Variants in DNMT3A observed in about 807,000 individuals in gnomAD.
DNMT3A encodes DNA methyltransferase 3 alpha, also known as DNA (cytosine-5)-methyltransferase 3A.
In DNMT3A, 267 loss-of-function variants were observed where a neutral mutation model predicts 117.6. The ratio of observed to expected loss-of-function variants is 2.27; its 90% CI spans 2.05 to 2.51. DNMT3A has a LOEUF of 2.51. DNMT3A is among the 30% of genes most tolerant of loss of function. DNMT3A has a pLI of 0.00. For synonymous variants in DNMT3A, 432 were observed against 474.8 expected (o/e 0.91, Z 1.17); for missense variants, 1,029 against 1,260.2 (o/e 0.82, Z 2.78).
chr2:25,326,426 A>G (rs1256493705), intron 1 of DNMT3A, among the ~76,000 whole-genome samples: 2 of 152,168 alleles, frequency 1.3e-5, no homozygotes, highest in Non-Finnish European at 2.9e-5. Context: ...CAGATGTTGT[A>G]GAAAGGTGCA....
rs1674995434 is a variant in DNMT3A, at chr2:25,247,724, TC to T, written c.880del (p.Glu294SerfsTer22). 1.2e-6 allele frequency: 2 copies of T among 1,610,164 alleles called. No homozygotes were observed. Among genetic ancestry groups the T allele is most frequent in the Non-Finnish European group, 1.7e-6 (2 of 1,179,442 alleles). On this transcript the variant is annotated frameshift_variant, in exon 8 of 23. Coordinates refer to ENST00000321117, the MANE Select transcript of DNMT3A (RefSeq NM_022552.5). LOFTEE classifies it high-confidence loss of function. The surrounding 1 kb of genome is among the most constrained non-coding windows in gnomAD (Gnocchi z 5.6). ...GCCCCGCAGTTTCCCCCACACCAGC[TC>T]CCCAATGCCAAAGCCCCGGCCGTCC... ...YEDGRGFGIG[E>X]LVWGKLRGFS...
chr2:25,246,230 T>G lies in DNMT3A; in HGVS notation c.1359A>C (p.Pro453=). 6.2e-7 allele frequency: 1 copy of G among 1,614,176 alleles called. No homozygotes were observed. The highest frequency in any genetic ancestry group is 8.5e-7 in the Non-Finnish European group (1 of 1,180,016). Residue 453 remains proline, a synonymous_variant, in exon 11 of 23, where the codon CCA becomes CCC. Transcript: ENST00000321117. ...CTGTGCTCTTCCGGGGCTTTTTGGC[T>G]GGTGGAGGTGGTGCGTAGGCAGCTG... is the stretch of plus-strand genomic sequence containing the variant. ...PEAAAYAPPP[P]AKKPRKSTAE...
At chr2:25,245,912 C>T (rs371907126) in intron 12 of DNMT3A, 108 bp downstream of exon 12, 111 of 1,366,772 alleles carry the variant, frequency 8.1e-5, no homozygotes, top group Non-Finnish European at 1.1e-4. Context: ...TGGTGTGACA[C>T]GCAGGACGTG....
chr2:25,264,179 G>A lies in DNMT3A; in HGVS notation c.639+10762C>T, dbSNP rs537514704. Among the ~76,000 whole-genome samples, 25 of 114,006 alleles carry A rather than the reference G, an allele frequency of 2.2e-4. No homozygotes were observed. The South Asian group carries it at 6.6e-3, about 30-fold the overall frequency. The allele number at this position is 114,006 out of a possible 152,430, so 74.8% of individuals were successfully genotyped here. A position where few individuals can be genotyped will look rare whatever the true frequency, so the allele number is the denominator to read the frequency against. ...TTTTGAGACAAGGTCTCGCTCTGTC[G>A]CCCAGGCTGGAGTGCAGTGGCGCAA... On this transcript the variant is annotated intron_variant, in intron 6 of 22. Transcript: ENST00000321117.
Position 25,230,279 on chromosome 2 carries a change from G to C in DNMT3A, c.*4000C>G, listed in dbSNP as rs575397824. Reference sequence around the variant, plus strand: ...GCCGGTGCACCAGCCTGTCGCTCCCGTGGGGCGGGGGGTTAGTACCAGCCG... The same window carrying C: ...GCCGGTGCACCAGCCTGTCGCTCCCCTGGGGCGGGGGGTTAGTACCAGCCG... On this transcript the variant is annotated 3_prime_UTR_variant, in exon 23 of 23. Coordinates refer to ENST00000321117, the MANE Select transcript of DNMT3A (RefSeq NM_022552.5). 6.6e-6 allele frequency: 1 copy of C among 152,368 alleles called. No homozygotes were observed. The highest frequency in any genetic ancestry group is 1.5e-5 in the Non-Finnish European group (1 of 68,156). The allele number at this position is 152,368 out of a possible 1,614,324, so 9.4% of individuals were successfully genotyped here. A position where few individuals can be genotyped will look rare whatever the true frequency, so the allele number is the denominator to read the frequency against.
At chr2:25,312,555 G>T (rs1470781248) in intron 2 of DNMT3A, among the ~76,000 whole-genome samples, 1 of 152,186 alleles carries the variant, frequency 6.6e-6, no homozygotes, top group African/African-American at 2.4e-5. Context: ...AGGTAGGGCT[G>T]TGGGAAGGGC....
intron 3 of DNMT3A, among the ~76,000 whole-genome samples, chr2:25,285,697 C>G (rs375776759): frequency 2.0e-5 from 3 of 152,210 alleles, no homozygotes; most frequent in Non-Finnish European, 4.4e-5. Context: ...ACGGCAGACC[C>G]CTGCCTCCAT....
At chr2:25,307,523 T>C (rs1332376886) in intron 2 of DNMT3A, among the ~76,000 whole-genome samples, 1 of 138,660 alleles carries the variant, frequency 7.2e-6, no homozygotes, top group Non-Finnish European at 1.5e-5. Context: ...TGGAGTGCAA[T>C]GGCGAGATCT....
chr2:25,258,937 G>A (rs1313900849), intron 6 of DNMT3A, among the ~76,000 whole-genome samples: 1 of 152,190 alleles, frequency 6.6e-6, no homozygotes, highest in African/African-American at 2.4e-5. Flanking sequence ...AAATCAAGGA[G>A]GAAGATGCAG....
chr2:25,275,550 A>G lies in DNMT3A; in HGVS notation c.449-7T>C. On this transcript the variant is annotated splice_polypyrimidine_tract_variant and splice_region_variant and intron_variant, in intron 4 of 22. Transcript: ENST00000321117. ...GTCTCCTTCTGTTCTTTGCCTGTGG[A>G]GAGGGAAGAACAAAGGGACCAGTTC... 1 of 1,573,038 alleles carries G rather than the reference A, an allele frequency of 6.4e-7. No individual in the cohort carries two copies. Among genetic ancestry groups the G allele is most frequent in the East Asian group, 2.4e-5 (1 of 41,390 alleles).
Position 25,300,716 on chromosome 2 carries a change from T to TA in DNMT3A, c.73-474dup, listed in dbSNP as rs1299208634. On this transcript the variant is annotated intron_variant, in intron 2 of 22. Coordinates refer to ENST00000321117, the MANE Select transcript of DNMT3A (RefSeq NM_022552.5). ...ATTTATATATCTAAATAATATAATA[T>TA]ATATATATATATATATATATATATA... Among the ~76,000 whole-genome samples, 6 of 3,372 alleles carry TA rather than the reference T, an allele frequency of 1.8e-3. 1 individual carries two copies. The highest frequency in any genetic ancestry group is 9.3e-3 in the East Asian group (1 of 108). 2.2% of individuals were successfully genotyped at this position (3,372 alleles called of 152,430 possible). A position where few individuals can be genotyped will look rare whatever the true frequency, so the allele number is the denominator to read the frequency against.
chr2:25,314,965 G>A lies in DNMT3A; in HGVS notation c.-177-804C>T, dbSNP rs763339013. 9.9e-5 allele frequency among the ~76,000 whole-genome samples: 15 copies of A among 152,212 alleles called. 1 individual carries two copies. The highest frequency in any genetic ancestry group is 2.2e-4 in the Non-Finnish European group (15 of 68,024). On this transcript the variant is annotated intron_variant, in intron 1 of 22. Coordinates refer to ENST00000321117, the MANE Select transcript of DNMT3A (RefSeq NM_022552.5). ...CTGCAGCTCAGGCCACAGCTGGGGT[G>A]GGGGTGTTGCTGTCTCAGCCCCCTC...
At chr2:25,248,382 C>T in intron 6 of DNMT3A, 130 bp from the exon 7 acceptor site, 1 of 968,362 alleles carries the variant, frequency 1.0e-6, no homozygotes, top group Non-Finnish European at 1.5e-6. Flanking sequence ...AGAGAGCCAA[C>T]CAGCTGCCTT....
chr2:25,326,129 T>C (rs1029362243), intron 1 of DNMT3A, among the ~76,000 whole-genome samples: 3 of 151,614 alleles, frequency 2.0e-5, no homozygotes, highest in African/African-American at 7.3e-5. Context: ...TGTGTGTGTG[T>C]GTGTGTGTGT....
In DNMT3A at chr2:25,248,379, C is replaced by T. The variant is rs1675115802; in HGVS notation, c.640-127G>A. The T allele has an allele frequency of 1.3e-5, 13 of 993,404 alleles. No homozygotes were observed. The South Asian group carries it at 1.8e-4, about 14-fold the overall frequency. 61.5% of individuals were successfully genotyped at this position (993,404 alleles called of 1,614,324 possible). ...CAGAAGGTCAAGGGCTGGAGAGAGCCAACCAGCTGCCTTGCCGTGAAAAAT... is the reference window on the plus strand; with the variant it reads ...CAGAAGGTCAAGGGCTGGAGAGAGCTAACCAGCTGCCTTGCCGTGAAAAAT... On this transcript the variant is annotated intron_variant, in intron 6 of 22. Coordinates refer to ENST00000321117, the MANE Select transcript of DNMT3A (RefSeq NM_022552.5).
intron 6 of DNMT3A, among the ~76,000 whole-genome samples, chr2:25,259,391 CT>C (rs1157704340): frequency 6.6e-6 from 1 of 152,202 alleles, no homozygotes; most frequent in Non-Finnish European, 1.5e-5. Flanking sequence ...GATGCCAGGT[CT>C]TTCACTGAGC....
Position 25,341,748 on chromosome 2 carries a change from G to A in DNMT3A, c.-178+78C>T, listed in dbSNP as rs1380179823. ...CCCCGAGCCGGGCACTGCCAGCCGC[G>A]GCGCCCCCCGCCCGGCTCCCCGGCT... On this transcript the variant is annotated intron_variant, in intron 1 of 22. Transcript: ENST00000321117. 8 of 941,974 alleles carry A rather than the reference G, an allele frequency of 8.5e-6. No individual in the cohort carries two copies. The African/African-American group carries it at 1.4e-4, about 17-fold the overall frequency. The allele number at this position is 941,974 out of a possible 1,614,324, so 58.4% of individuals were successfully genotyped here. A position where few individuals can be genotyped will look rare whatever the true frequency, so the allele number is the denominator to read the frequency against.
intron 1 of DNMT3A, among the ~76,000 whole-genome samples, chr2:25,332,863 G>A (rs924995738): frequency 1.3e-5 from 2 of 152,232 alleles, no homozygotes; most frequent in African/African-American, 4.8e-5. Flanking sequence ...CCCTTGCTGC[G>A]TGCCAGCTGC....
In DNMT3A at chr2:25,252,233, G is replaced by T. The variant is rs557827603; in HGVS notation, c.640-3981C>A. The T allele has an allele frequency of 4.1e-5, 63 of 1,535,928 alleles. No homozygotes were observed. Among genetic ancestry groups the T allele is most frequent in the Non-Finnish European group, 5.3e-5 (60 of 1,141,800 alleles). Reference sequence around the variant, plus strand: ...GCAGCCCCTCTGCAGTCGCGCTCAGGTGTGAGCCGCGGCCCTGAAGCTCTG... The same window carrying T: ...GCAGCCCCTCTGCAGTCGCGCTCAGTTGTGAGCCGCGGCCCTGAAGCTCTG... On this transcript the variant is annotated intron_variant, in intron 6 of 22. Coordinates refer to ENST00000321117, the MANE Select transcript of DNMT3A (RefSeq NM_022552.5). This position sits in a 1 kb window ranked among gnomAD's most constrained non-coding sequence, Gnocchi z 5.5.
Sources: gnomAD v4.1 joint callset for allele counts (sites outside exome capture counted in the v4.1 genomes callset) on GRCh38, gnomAD v4.1.1 for gene constraint, Gnocchi (gnomAD v3.1) non-coding constraint, MANE v1.5 for transcripts, NCBI Gene and HGNC (gene_info 2026-07-23, HGNC 2026-07-21) for gene names.